Variants in PPM1L observed in about 807,000 individuals in gnomAD.
PPM1L encodes protein phosphatase 1L.
A neutral mutation model predicts 31.4 loss-of-function variants in PPM1L; 13 were observed. That is an observed-to-expected ratio of 0.41 (90% CI 0.27 to 0.66). The LOEUF (loss-of-function observed/expected upper bound fraction) is 0.66. Ranked by LOEUF, PPM1L falls within the 30% of genes least tolerant of loss-of-function variation. The pLI is 0.29. For synonymous variants in PPM1L, 184 were observed against 175.4 expected (o/e 1.05, Z -0.39); for missense variants, 326 against 453.7 (o/e 0.72, Z 2.56).
chr3:161,068,435 C>A (rs1719807313), intron 3 of PPM1L, among the ~76,000 whole-genome samples: 1 of 152,184 alleles, frequency 6.6e-6, no homozygotes, highest in African/African-American at 2.4e-5. Context: ...ATATACGGTG[C>A]CTGTTCACCT....
intron 1 of PPM1L, among the ~76,000 whole-genome samples, chr3:160,912,937 GC>G (rs1393989744): frequency 6.6e-6 from 1 of 152,096 alleles, no homozygotes; most frequent in Non-Finnish European, 1.5e-5. Context: ...ATAACCCTAA[GC>G]TTTCTTTTGT....
At chr3:160,977,643 C>T (rs1716641513) in intron 2 of PPM1L, among the ~76,000 whole-genome samples, 1 of 152,034 alleles carries the variant, frequency 6.6e-6, no homozygotes, top group Non-Finnish European at 1.5e-5. Flanking sequence ...CCCACTTCTT[C>T]CCTAAAAGTT....
chr3:160,767,262 A>G (rs1210433280), intron 1 of PPM1L, among the ~76,000 whole-genome samples: 1 of 149,060 alleles, frequency 6.7e-6, no homozygotes, highest in Non-Finnish European at 1.5e-5. Context: ...GATATAGGAT[A>G]TTACTCTGCC....
rs151264644 is a variant in PPM1L, at chr3:161,021,558, CTTTTA to C, written c.575-43841_575-43837del. ...AGTGGTTTTCTAGTATTGTTCAAGT[CTTTTA>C]TTTATTTATTTCCTTTTTAATCTTC... On this transcript the variant is annotated intron_variant, in intron 2 of 3. Transcript: ENST00000498165. Among the ~76,000 whole-genome samples the C allele has an allele frequency of 8.6e-3, 1,303 of 151,972 alleles. 38 individuals carry two copies. Among genetic ancestry groups the C allele is most frequent in the East Asian group, 0.082 (426 of 5,176 alleles).
intron 2 of PPM1L, among the ~76,000 whole-genome samples, chr3:160,978,378 G>C (rs1240153230): frequency 1.3e-5 from 2 of 152,202 alleles, no homozygotes; most frequent in African/African-American, 2.4e-5. Flanking sequence ...GAGCAGAACT[G>C]GTCTCCACAG....
chr3:160,948,055 G>A (rs992395097), intron 1 of PPM1L, among the ~76,000 whole-genome samples: 2 of 151,976 alleles, frequency 1.3e-5, no homozygotes, highest in African/African-American at 2.4e-5. Context: ...TTTATCTCTA[G>A]CACCTAGCAC....
chr3:161,078,689 G>A lies in PPM1L; in HGVS notation c.*9532G>A, dbSNP rs1341541427. ...TCAATTTGGTGTAACATTACCTGTA[G>A]TAGAGCTCAGAGTATATGGCAGTGC... On this transcript the variant is annotated 3_prime_UTR_variant, in exon 4 of 4. Transcript: ENST00000498165. The A allele has an allele frequency of 6.6e-6, 1 of 152,210 alleles. No individual in the cohort carries two copies. The highest frequency in any genetic ancestry group is 1.5e-5 in the Non-Finnish European group (1 of 68,036). The allele number at this position is 152,210 out of a possible 1,614,324, so 9.4% of individuals were successfully genotyped here. A position where few individuals can be genotyped will look rare whatever the true frequency, so the allele number is the denominator to read the frequency against.
At chr3:161,023,550 T>C (rs1333679668) in intron 2 of PPM1L, among the ~76,000 whole-genome samples, 1 of 152,230 alleles carries the variant, frequency 6.6e-6, no homozygotes, top group African/African-American at 2.4e-5. Context: ...TCATTTCATT[T>C]ACTACGCAAA....
chr3:160,842,235 G>A (rs1713905020), intron 1 of PPM1L: 1 of 702,026 alleles, frequency 1.4e-6, no homozygotes, highest in African/African-American at 1.7e-5. Flanking sequence ...GAGGGTAGGA[G>A]GGATGCTGGT....
intron 1 of PPM1L, among the ~76,000 whole-genome samples, chr3:160,869,647 G>GA (rs149552757): frequency 0.048 from 7,247 of 152,054 alleles, 236 homozygotes; most frequent in Admixed American, 0.098. Flanking sequence ...GTTAAAATGT[G>GA]AAAAAACAAA....
chr3:161,048,184 C>T (rs1719144905), intron 2 of PPM1L, among the ~76,000 whole-genome samples: 1 of 152,190 alleles, frequency 6.6e-6, no homozygotes, highest in Non-Finnish European at 1.5e-5. Context: ...TTGCAATCTA[C>T]TTATCTGACA....
intron 2 of PPM1L, among the ~76,000 whole-genome samples, chr3:161,000,406 C>T (rs965123577): frequency 6.6e-6 from 1 of 152,118 alleles, no homozygotes; most frequent in Non-Finnish European, 1.5e-5. Context: ...GAGAAGCATT[C>T]AGTGAGGAAG....
At chr3:160,982,624 T>C (rs934495224) in intron 2 of PPM1L, among the ~76,000 whole-genome samples, 4 of 152,242 alleles carry the variant, frequency 2.6e-5, no homozygotes, top group Non-Finnish European at 5.9e-5. Context: ...CAGTACAAGT[T>C]TCCTATCCCT....
At chr3:160,876,530 C>T (rs1350766221) in intron 1 of PPM1L, among the ~76,000 whole-genome samples, 2 of 152,212 alleles carry the variant, frequency 1.3e-5, no homozygotes, top group African/African-American at 4.8e-5. Flanking sequence ...AAATTCATCT[C>T]TGTGCTCCTC....
chr3:160,825,858 T>C (rs1713344023), intron 1 of PPM1L, among the ~76,000 whole-genome samples: 2 of 152,156 alleles, frequency 1.3e-5, no homozygotes, highest in African/African-American at 2.4e-5. Context: ...GTAACTGATA[T>C]AAAATAGGGC....
intron 1 of PPM1L, among the ~76,000 whole-genome samples, chr3:160,849,949 T>C (rs1714213164): frequency 6.6e-6 from 1 of 152,178 alleles, no homozygotes; most frequent in African/African-American, 2.4e-5. Context: ...TGGAGGTTTT[T>C]CCTACACAGC....
chr3:160,763,321 G>T (rs1468829353), intron 1 of PPM1L, among the ~76,000 whole-genome samples: 1 of 152,080 alleles, frequency 6.6e-6, no homozygotes, highest in African/African-American at 2.4e-5. Context: ...ATGCCTCCAT[G>T]GGAAACACAG....
chr3:160,806,976 A>G (rs1051557129), intron 1 of PPM1L, among the ~76,000 whole-genome samples: 2 of 152,080 alleles, frequency 1.3e-5, no homozygotes, highest in Non-Finnish European at 2.9e-5. Flanking sequence ...AAGAGAAAGA[A>G]AGAAAAAGAA....
intron 1 of PPM1L, among the ~76,000 whole-genome samples, chr3:160,881,751 A>G (rs1202430792): frequency 1.3e-5 from 2 of 152,176 alleles, no homozygotes; most frequent in African/African-American, 4.8e-5. Context: ...AGAGTGGTCA[A>G]GTAAGAGGTA....
Sources: allele counts gnomAD v4.1 joint callset (sites outside exome capture counted in the v4.1 genomes callset), GRCh38; gene constraint gnomAD v4.1.1; transcripts MANE v1.5; gene names NCBI Gene and HGNC (gene_info 2026-07-23, HGNC 2026-07-21).